The following FBXW11 variants were observed in gnomAD, a reference collection of about 807,000 sequenced individuals.
The protein encoded by FBXW11 is F-box and WD repeat domain containing 11, also known as F-box/WD repeat-containing protein 11.
In FBXW11, 19 loss-of-function variants were observed where a neutral mutation model predicts 77.6. The observed-to-expected ratio is 0.24, with a 90% CI of 0.17 to 0.36. FBXW11 has a LOEUF of 0.36. FBXW11 is among the 10% of genes least tolerant of loss of function. The pLI is 1.00. For synonymous variants in FBXW11, 235 were observed against 249.4 expected (o/e 0.94, Z 0.54); for missense variants, 334 against 704.2 (o/e 0.47, Z 5.95).
At chr5:171,880,307 CA>C (rs1238609620) in intron 7 of FBXW11, among the ~76,000 whole-genome samples, 1 of 152,164 alleles carries the variant, frequency 6.6e-6, no homozygotes, top group Non-Finnish European at 1.5e-5. Flanking sequence ...TCTAGCTGTC[CA>C]TTCTGTTGCC....
chr5:171,875,293 A>G (rs997843784), intron 9 of FBXW11, among the ~76,000 whole-genome samples: 3 of 152,174 alleles, frequency 2.0e-5, no homozygotes, highest in Non-Finnish European at 4.4e-5. Context: ...CTGATGATAC[A>G]TGCTACAAAG....
intron 2 of FBXW11, among the ~76,000 whole-genome samples, chr5:171,956,614 G>A (rs1763626322): frequency 6.6e-6 from 1 of 152,146 alleles, no homozygotes; most frequent in Admixed American, 6.5e-5. Context: ...TTTAAAAATT[G>A]TAAACATGAA....
chr5:171,983,205 A>G (rs1373223176), intron 1 of FBXW11, among the ~76,000 whole-genome samples: 7 of 152,092 alleles, frequency 4.6e-5, no homozygotes, highest in Non-Finnish European at 1.0e-4. Flanking sequence ...ACAAAACAAA[A>G]AAACCAAGAG....
chr5:171,914,719 G>A (rs578100796), intron 2 of FBXW11, among the ~76,000 whole-genome samples: 4 of 152,272 alleles, frequency 2.6e-5, no homozygotes, highest in Admixed American at 2.6e-4. Flanking sequence ...TTGTACTTGT[G>A]ACAAGAAATT....
At chr5:171,886,294 C>A (rs924232669) in intron 7 of FBXW11, among the ~76,000 whole-genome samples, 1 of 151,980 alleles carries the variant, frequency 6.6e-6, no homozygotes, top group African/African-American at 2.4e-5. Context: ...AAGCTGGAAA[C>A]CATCATTCTC....
At chr5:171,944,244 A>G (rs1762887176) in intron 2 of FBXW11, among the ~76,000 whole-genome samples, 1 of 151,884 alleles carries the variant, frequency 6.6e-6, no homozygotes, top group African/African-American at 2.4e-5. Context: ...AATTATATAT[A>G]TAATAATCCC....
chr5:171,891,263 G>C (rs1759326984), intron 7 of FBXW11, among the ~76,000 whole-genome samples: 3 of 152,122 alleles, frequency 2.0e-5, no homozygotes, highest in African/African-American at 7.2e-5. Flanking sequence ...GCTTAGAGAA[G>C]GATAAGAAGT....
intron 1 of FBXW11, among the ~76,000 whole-genome samples, chr5:171,974,891 T>C (rs1362525961): frequency 6.6e-6 from 1 of 152,114 alleles, no homozygotes; most frequent in Non-Finnish European, 1.5e-5. Flanking sequence ...ACCTCCCAGG[T>C]TCAAGTGATT....
intron 1 of FBXW11, among the ~76,000 whole-genome samples, chr5:171,967,776 T>C (rs75955137): frequency 6.7e-6 from 1 of 149,254 alleles, no homozygotes; most frequent in African/African-American, 2.5e-5. Context: ...GAGGCGGAGG[T>C]TGCTGTGAGC....
chr5:171,908,394 C>G (rs201039457), intron 4 of FBXW11, among the ~76,000 whole-genome samples: 1 of 152,114 alleles, frequency 6.6e-6, no homozygotes, highest in South Asian at 2.1e-4. Context: ...ATTTTTGAAC[C>G]AACCCCTACC....
At position 171,878,116 on chromosome 5, in the gene FBXW11, G is replaced by T; in HGVS notation, c.866C>A (p.Thr289Asn). The T allele has an allele frequency of 6.2e-7, 1 of 1,612,896 alleles. No homozygotes were observed. Among genetic ancestry groups the T allele is most frequent in the Non-Finnish European group, 8.5e-7 (1 of 1,179,274 alleles). ...RDNSIKIWDK[T>N]SLECLKVLTG... ...TAACACTTTCAAACATTCCAGGCTG[G>T]TTTTATCCCATATCTATTGAGACAA... Residue 289 changes from threonine (T) to asparagine (N), a missense_variant, in exon 8 of 14, where the codon ACC becomes AAC. Thr to Asn is a moderately conservative substitution (Grantham distance 65, BLOSUM62 0). This residue lies in a region of FBXW11 where 70 missense variants were observed against 136.6 expected (regional missense o/e 0.51). Coordinates refer to ENST00000517395, the MANE Select transcript of FBXW11 (RefSeq NM_001378974.1).
intron 1 of FBXW11, among the ~76,000 whole-genome samples, chr5:171,976,928 C>T (rs544343356): frequency 3.9e-5 from 6 of 151,980 alleles, no homozygotes; most frequent in Admixed American, 6.6e-5. Flanking sequence ...TGTCTGTAAT[C>T]CCAGCTACCT....
chr5:171,941,570 A>G (rs1581232765), intron 2 of FBXW11, among the ~76,000 whole-genome samples: 1 of 151,560 alleles, frequency 6.6e-6, no homozygotes. Context: ...TATTATGACT[A>G]TGTAGAACAT....
intron 7 of FBXW11, among the ~76,000 whole-genome samples, chr5:171,884,461 A>T (rs1272075521): frequency 6.6e-6 from 1 of 152,182 alleles, no homozygotes; most frequent in Non-Finnish European, 1.5e-5. Flanking sequence ...GTATAGTTTG[A>T]AATCAGGTAG....
chr5:171,891,420 CAT>C, intron 7 of FBXW11, 45 bp downstream of exon 7: 1 of 1,534,914 alleles, frequency 6.5e-7, no homozygotes. Flanking sequence ...GTGTCTAACA[CAT>C]AGCCACGATT....
rs939230807 is a variant in FBXW11, at chr5:171,900,413, C to T, written c.437-313G>A. On this transcript the variant is annotated intron_variant, in intron 4 of 13. Coordinates refer to ENST00000517395, the MANE Select transcript of FBXW11 (RefSeq NM_001378974.1). Reference sequence around the variant, plus strand: ...CTTTTATATAACTCTCACAGCACTCCTATAGGGCAATGACGCCCCAAGTTT... The same window carrying T: ...CTTTTATATAACTCTCACAGCACTCTTATAGGGCAATGACGCCCCAAGTTT... Among the ~76,000 whole-genome samples, 4 of 152,094 alleles carry T rather than the reference C, an allele frequency of 2.6e-5. No individual in the cohort carries two copies. The South Asian group carries it at 8.3e-4, about 32-fold the overall frequency.
At chr5:171,947,179 T>C (rs1247792879) in intron 2 of FBXW11, among the ~76,000 whole-genome samples, 1 of 152,216 alleles carries the variant, frequency 6.6e-6, no homozygotes, top group African/African-American at 2.4e-5. Context: ...TTGTCTGTTT[T>C]GTGCACTCCT....
chr5:171,916,170 A>G (rs1237449915), intron 2 of FBXW11, among the ~76,000 whole-genome samples: 1 of 151,312 alleles, frequency 6.6e-6, no homozygotes. Flanking sequence ...GCATACCAAC[A>G]TGGCACATGT....
At chr5:171,908,272 C>G (rs549672134) in intron 4 of FBXW11, among the ~76,000 whole-genome samples, 4 of 152,276 alleles carry the variant, frequency 2.6e-5, no homozygotes, top group Non-Finnish European at 1.5e-5. Context: ...TCCATCTCCC[C>G]CTCCCTGGAT....
Sources: gnomAD v4.1 joint callset for allele counts (sites outside exome capture counted in the v4.1 genomes callset) on GRCh38, gnomAD v4.1.1 for gene constraint, gnomAD v4.1.1 regional missense constraint, MANE v1.5 for transcripts, NCBI Gene and HGNC (gene_info 2026-07-23, HGNC 2026-07-21) for gene names.